The following NUMB variants were observed in gnomAD, a reference collection of about 807,000 sequenced individuals.
NUMB encodes the protein protein numb homolog.
A neutral mutation model predicts 59.7 loss-of-function variants in NUMB; 29 were observed. The observed-to-expected ratio is 0.49, with a 90% confidence interval of 0.36 to 0.66. The LOEUF is 0.66. NUMB is among the 30% of genes least tolerant of loss of function. The probability of loss-of-function intolerance (pLI) is 0.00; values close to 1 mark genes in which losing one functional copy is unlikely to be tolerated. For synonymous variants in NUMB, 288 were observed against 288.2 expected (o/e 1.00, Z 0.01); for missense variants, 723 against 822.0 (o/e 0.88, Z 1.47).
chr14:73,427,664 T>A (rs10146723), intron 1 of NUMB, among the ~76,000 whole-genome samples: 49,867 of 151,900 alleles, frequency 0.33, 9,539 homozygotes, highest in African/African-American at 0.52. Flanking sequence ...AGTTCTCAAG[T>A]ATAGAAGACA....
intron 1 of NUMB, among the ~76,000 whole-genome samples, chr14:73,447,002 C>A (rs1883562533): frequency 6.6e-6 from 1 of 151,248 alleles, no homozygotes; most frequent in Admixed American, 6.6e-5. Context: ...ACCTGGCCAA[C>A]ATAGTGAAAC....
chr14:73,386,859 G>A (rs1333041550), intron 2 of NUMB, among the ~76,000 whole-genome samples: 2 of 130,390 alleles, frequency 1.5e-5, no homozygotes, highest in African/African-American at 2.9e-5. Context: ...CAATCTATCA[G>A]GTGTCTTATT....
At chr14:73,412,273 C>T (rs917813307) in intron 1 of NUMB, among the ~76,000 whole-genome samples, 5 of 151,962 alleles carry the variant, frequency 3.3e-5, no homozygotes, top group Non-Finnish European at 7.4e-5. Context: ...CTAAGCACCT[C>T]CTATGGATTA....
intron 3 of NUMB, among the ~76,000 whole-genome samples, chr14:73,358,174 T>A (rs1259573522): frequency 1.3e-5 from 2 of 152,172 alleles, no homozygotes; most frequent in Non-Finnish European, 2.9e-5. Flanking sequence ...TTTAGAGACA[T>A]ATTGGGATGG....
intron 3 of NUMB, among the ~76,000 whole-genome samples, chr14:73,362,447 A>G (rs78578136): frequency 0.033 from 4,964 of 151,944 alleles, 307 homozygotes; most frequent in African/African-American, 0.11. Flanking sequence ...ATTATCATCT[A>G]ATTTTGTTCC....
chr14:73,438,054 C>T (rs1262632997), intron 1 of NUMB, among the ~76,000 whole-genome samples: 2 of 152,174 alleles, frequency 1.3e-5, no homozygotes, highest in Non-Finnish European at 2.9e-5. Context: ...ATATCTCAAT[C>T]TCATACACTG....
intron 1 of NUMB, among the ~76,000 whole-genome samples, chr14:73,450,077 C>T (rs1883818947): frequency 6.6e-6 from 1 of 152,140 alleles, no homozygotes; most frequent in Non-Finnish European, 1.5e-5. Flanking sequence ...TTAGCCCATC[C>T]TAAAAGAGAA....
At chr14:73,450,867 A>G (rs1381554584) in intron 1 of NUMB, among the ~76,000 whole-genome samples, 1 of 147,440 alleles carries the variant, frequency 6.8e-6, no homozygotes, top group Non-Finnish European at 1.5e-5. Context: ...AATTAAGTAA[A>G]TAAACCAAAC....
At chr14:73,297,854 T>C (rs1248058717) in intron 6 of NUMB, 2 of 152,142 alleles carry the variant, frequency 1.3e-5, no homozygotes, top group African/African-American at 4.8e-5. Flanking sequence ...AGCCATTATT[T>C]GTTCTCTCAG....
chr14:73,426,779 G>A (rs7144655), intron 1 of NUMB, among the ~76,000 whole-genome samples: 7,787 of 151,908 alleles, frequency 0.051, 648 homozygotes, highest in African/African-American at 0.18. Flanking sequence ...CCTGGGAGGC[G>A]GAGGTTGCAG....
intron 1 of NUMB, among the ~76,000 whole-genome samples, chr14:73,410,597 T>C (rs964568673): frequency 6.6e-6 from 1 of 152,230 alleles, no homozygotes; most frequent in South Asian, 2.1e-4. Context: ...ATGCTTACTA[T>C]GAAACTGTCC....
intron 1 of NUMB, among the ~76,000 whole-genome samples, chr14:73,451,966 C>G (rs57622840): frequency 0.061 from 9,278 of 152,108 alleles, 722 homozygotes; most frequent in African/African-American, 0.17. Flanking sequence ...GTTAAAAGAA[C>G]GTAAGATAGC....
chr14:73,282,268 G>A, intron 11 of NUMB, 91 bp downstream of exon 11: 6 of 1,311,918 alleles, frequency 4.6e-6, no homozygotes, highest in Admixed American at 2.2e-5. Context: ...CAGGCCTTGG[G>A]AAGCTCAGGA....
intron 2 of NUMB, among the ~76,000 whole-genome samples, chr14:73,389,082 G>A (rs764738511): frequency 4.4e-4 from 59 of 135,414 alleles, no homozygotes; most frequent in Admixed American, 1.2e-3. Flanking sequence ...CTAGGCGACA[G>A]AGCAAGACTC....
At chr14:73,387,732 CAA>C (rs796888924) in intron 2 of NUMB, among the ~76,000 whole-genome samples, 3 of 93,728 alleles carry the variant, frequency 3.2e-5, no homozygotes, top group Admixed American at 1.0e-4. Flanking sequence ...TACCCAATCT[CAA>C]AAAAAAAAAA....
Position 73,277,036 on chromosome 14 carries a change from C to T in NUMB, c.1498G>A (p.Ala500Thr), listed in dbSNP as rs758374870. 6 of 1,614,120 alleles carry T rather than the reference C, an allele frequency of 3.7e-6. No homozygotes were observed. The highest frequency in any genetic ancestry group is 3.3e-4 in the Middle Eastern group (2 of 6,062). Residue 500 changes from alanine to threonine, a missense_variant, in exon 13 of 13, where the codon GCC becomes ACC. By Grantham distance (58) the Ala-to-Thr change is moderately conservative (BLOSUM62 0). Coordinates refer to ENST00000555238, the MANE Select transcript of NUMB (RefSeq NM_001005743.2). ...GCAGGGACAAAGGCTGGTTGCAGGG[C>T]TGGGACCACACCCACTGGCACAGGC... is the stretch of plus-strand genomic sequence containing the variant. Reference protein sequence around the residue: ...SQPVPVGVVPALQPAFVPAQS... With the variant: ...SQPVPVGVVPTLQPAFVPAQS...
intron 1 of NUMB, among the ~76,000 whole-genome samples, chr14:73,457,002 G>C (rs1235235907): frequency 1.3e-5 from 2 of 151,916 alleles, no homozygotes; most frequent in Non-Finnish European, 2.9e-5. Context: ...ACACGACTAT[G>C]TGCCAGTCAC....
chr14:73,419,155 G>C (rs541986110), intron 1 of NUMB, among the ~76,000 whole-genome samples: 333 of 152,194 alleles, frequency 2.2e-3, no homozygotes, highest in African/African-American at 7.6e-3. Context: ...AAATTCCTAC[G>C]TAAATTATCT....
chr14:73,355,869 G>C (rs1405294677), intron 3 of NUMB, 103 bp from the exon 4 acceptor site: 1 of 814,460 alleles, frequency 1.2e-6, no homozygotes, highest in South Asian at 1.9e-5. Context: ...CAAAATTAAA[G>C]GTTTTGGGTT....
Sources: gnomAD v4.1 joint callset for allele counts (sites outside exome capture counted in the v4.1 genomes callset) on GRCh38, gnomAD v4.1.1 for gene constraint, MANE v1.5 for transcripts, NCBI Gene and HGNC (gene_info 2026-07-23, HGNC 2026-07-21) for gene names.